DPH6: variants seen among roughly 807,000 people sequenced by gnomAD.
DPH6 encodes the protein diphthine--ammonia ligase.
In DPH6, 33 loss-of-function variants were observed where a neutral mutation model predicts 38.2. That is an observed-to-expected ratio of 0.86 (90% CI 0.65 to 1.15). DPH6 has a LOEUF of 1.15. Among genes scored for constraint, DPH6 ranks in the 50% most tolerant of loss-of-function variants. DPH6 has a pLI of 0.00. For synonymous variants in DPH6, 108 were observed against 103.0 expected, an observed-to-expected ratio of 1.05 and a Z score of -0.30; for missense variants, 325 against 320.0, an observed-to-expected ratio of 1.02 and a Z score of -0.12.
At chr15:35,488,448 A>G (rs2054433310) in intron 3 of DPH6, among the ~76,000 whole-genome samples, 1 of 152,200 alleles carries the variant, frequency 6.6e-6, no homozygotes, top group Non-Finnish European at 1.5e-5. Flanking sequence ...ACTTAGAATC[A>G]CAGTGGAAGG....
At chr15:35,267,410 T>C (rs1403689815) in intron 3 of DPH6, among the ~76,000 whole-genome samples, 1 of 152,208 alleles carries the variant, frequency 6.6e-6, no homozygotes, top group African/African-American at 2.4e-5. Context: ...CTGCTGCTGA[T>C]GCTATTTTTT....
chr15:35,331,049 A>T lies in DPH6; in HGVS notation n.236T>A, dbSNP rs1595482441. On this transcript the variant is annotated non_coding_transcript_exon_variant, in exon 4 of 4. Coordinates refer to the DPH6 transcript ENST00000558973. The stretch of plus-strand genomic sequence containing the variant: ...TGCTAGTCCACTGGTAAGCGGTGGG[A>T]GGTTTCCTTGAATATATTGGTTTTT... 2.6e-5 allele frequency: 4 copies of T among 152,140 alleles called. No individual in the cohort carries two copies. The South Asian group carries it at 8.3e-4, about 31-fold the overall frequency. 9.4% of individuals were successfully genotyped at this position (152,140 alleles called of 1,614,324 possible).
chr15:35,394,706 T>C (rs1024601369), intron 6 of DPH6, among the ~76,000 whole-genome samples: 1 of 152,216 alleles, frequency 6.6e-6, no homozygotes, highest in African/African-American at 2.4e-5. Context: ...GCCTTGAACT[T>C]GTGATCTGTA....
the DPH6 span, among the ~76,000 whole-genome samples, chr15:35,168,489 A>T: frequency 6.6e-6 from 1 of 151,962 alleles, no homozygotes; most frequent in Non-Finnish European, 1.5e-5. Context: ...TTCACCAGAA[A>T]GCAGTTTTTA....
chr15:35,339,258 C>T (rs960305495), intron 3 of DPH6, among the ~76,000 whole-genome samples: 6 of 151,444 alleles, frequency 4.0e-5, no homozygotes, highest in East Asian at 1.9e-4. Context: ...GATTCTGATA[C>T]ATTGTCTCTT....
chr15:35,243,267 C>T lies in DPH6; in HGVS notation n.201-22685G>A, dbSNP rs1157663030. 3.5e-5 allele frequency among the ~76,000 whole-genome samples: 5 copies of T among 142,202 alleles called. 1 individual carries two copies. The highest frequency in any genetic ancestry group is 1.3e-4 in the African/African-American group (5 of 39,090). The allele number at this position is 142,202 out of a possible 152,430, so 93.3% of individuals were successfully genotyped here. ...TCTCTCCCACTCTAGGTTCCCACGC[C>T]GCCCCTAATACCGCTTGAAGCAGCC... is the stretch of plus-strand genomic sequence containing the variant. On this transcript the variant is annotated intron_variant and non_coding_transcript_variant, in intron 3 of 3. Transcript: ENST00000560386.
chr15:35,187,998 C>A, the DPH6 span, among the ~76,000 whole-genome samples: 1 of 152,062 alleles, frequency 6.6e-6, no homozygotes, highest in East Asian at 1.9e-4. Flanking sequence ...CAAAAATTGG[C>A]CAGATGTGGT....
intron 3 of DPH6, among the ~76,000 whole-genome samples, chr15:35,261,670 CA>C (rs1423331115): frequency 1.3e-5 from 2 of 151,788 alleles, no homozygotes; most frequent in African/African-American, 2.4e-5. Flanking sequence ...TCATCTCTAC[CA>C]AAAATTAAAA....
At chr15:35,256,123 A>T (rs1194901147) in intron 3 of DPH6, among the ~76,000 whole-genome samples, 2 of 152,162 alleles carry the variant, frequency 1.3e-5, no homozygotes, top group Non-Finnish European at 2.9e-5. Flanking sequence ...AATTGTTAAC[A>T]TCTTATATTA....
chr15:35,355,868 C>T lies in DPH6; in HGVS notation n.207+17653G>A, dbSNP rs565122831. On this transcript the variant is annotated intron_variant and non_coding_transcript_variant, in intron 3 of 3. Transcript: ENST00000558973. ...TGGGGAAGTTCTCCTGGATAATATCCTGCAGAGTGTTTTCCAACTTGGTTC... is the reference window on the plus strand; with the variant it reads ...TGGGGAAGTTCTCCTGGATAATATCTTGCAGAGTGTTTTCCAACTTGGTTC... 1.9e-4 allele frequency among the ~76,000 whole-genome samples: 29 copies of T among 152,316 alleles called. 1 individual carries two copies. In the East Asian group the frequency reaches 5.0e-3, roughly 26 times the overall value.
At chr15:35,145,702 CA>C in the DPH6 span, among the ~76,000 whole-genome samples, 1 of 152,176 alleles carries the variant, frequency 6.6e-6, no homozygotes, top group Non-Finnish European at 1.5e-5. Context: ...TTCACTGGAA[CA>C]CACAGAGATG....
intron 3 of DPH6, among the ~76,000 whole-genome samples, chr15:35,356,066 T>C (rs2052557278): frequency 6.6e-6 from 1 of 152,340 alleles, no homozygotes; most frequent in East Asian, 1.9e-4. Flanking sequence ...TTTCTTCCAG[T>C]TGATCGAATC....
At chr15:35,498,943 T>TAA (rs61542040) in intron 3 of DPH6, among the ~76,000 whole-genome samples, 4,657 of 108,314 alleles carry the variant, frequency 0.043, 115 homozygotes, top group East Asian at 0.095. Context: ...CCTCATCTCT[T>TAA]AAAAAAAAAA....
chr15:35,469,477 G>T (rs2054169676), intron 3 of DPH6, among the ~76,000 whole-genome samples: 1 of 152,140 alleles, frequency 6.6e-6, no homozygotes, highest in Non-Finnish European at 1.5e-5. Context: ...CTAAACTAAG[G>T]CAGTAGTTAT....
At chr15:35,341,530 TG>T (rs763218487) in intron 3 of DPH6, among the ~76,000 whole-genome samples, 1 of 152,200 alleles carries the variant, frequency 6.6e-6, no homozygotes, top group Non-Finnish European at 1.5e-5. Context: ...TTGAGGTTGC[TG>T]ATGTTTGAAT....
chr15:35,316,116 G>A (rs866300891), intron 3 of DPH6, among the ~76,000 whole-genome samples: 2 of 152,174 alleles, frequency 1.3e-5, no homozygotes, highest in African/African-American at 4.8e-5. Flanking sequence ...ATAAGACCTA[G>A]TATTTGATAA....
intron 3 of DPH6, among the ~76,000 whole-genome samples, chr15:35,456,644 C>A (rs1439656945): frequency 1.3e-5 from 2 of 151,638 alleles, no homozygotes; most frequent in Admixed American, 6.6e-5. Context: ...TGTGCCACCA[C>A]GCCCAGCTAA....
intron 3 of DPH6, among the ~76,000 whole-genome samples, chr15:35,311,372 T>A (rs1237898334): frequency 6.6e-6 from 1 of 152,200 alleles, no homozygotes; most frequent in Non-Finnish European, 1.5e-5. Flanking sequence ...GGTTATACAG[T>A]ACCATCTTTG....
chr15:35,343,461 C>T (rs2052438081), intron 3 of DPH6, among the ~76,000 whole-genome samples: 1 of 151,968 alleles, frequency 6.6e-6, no homozygotes, highest in African/African-American at 2.4e-5. Flanking sequence ...TGCATAGTTA[C>T]ATATACACAC....
Sources: gnomAD v4.1 joint callset for allele counts (sites outside exome capture counted in the v4.1 genomes callset) on GRCh38, gnomAD v4.1.1 for gene constraint, MANE v1.5 for transcripts, NCBI Gene and HGNC (gene_info 2026-07-23, HGNC 2026-07-21) for gene names.